ESRRG: variants seen among roughly 807,000 people sequenced by gnomAD.
ESRRG encodes the protein estrogen related receptor gamma.
In ESRRG, 13 loss-of-function variants were observed where a neutral mutation model predicts 44.0. That is an observed-to-expected ratio of 0.30 (90% CI 0.19 to 0.47). The LOEUF (loss-of-function observed/expected upper bound fraction) is 0.47, where lower values mean the gene tolerates loss of function less well. ESRRG is among the 20% of genes least tolerant of loss of function. The pLI is 1.00. For missense variants in ESRRG, 395 were observed against 580.6 expected, an observed-to-expected ratio of 0.68 and a Z score of 3.29; for synonymous variants, 215 against 214.6, an observed-to-expected ratio of 1.00 and a Z score of -0.02.
chr1:217,042,095 C>T (rs940064676), intron 1 of ESRRG, among the ~76,000 whole-genome samples: 2 of 152,136 alleles, frequency 1.3e-5, no homozygotes, highest in African/African-American at 2.4e-5. Flanking sequence ...GGTGGGCTTG[C>T]TCTAACCATA....
intron 3 of ESRRG, among the ~76,000 whole-genome samples, chr1:216,578,478 A>G (rs1285721590): frequency 6.6e-6 from 1 of 152,118 alleles, no homozygotes; most frequent in Non-Finnish European, 1.5e-5. Flanking sequence ...TCCAATAGAG[A>G]GAAATAAAGT....
chr1:216,677,381 T>C lies in ESRRG; in HGVS notation c.167A>G (p.His56Arg). The change falls in exon 2 of 7, where the codon CAC (histidine) becomes CGC (arginine). Residue 56 changes from histidine to arginine, a missense_variant. Coordinates refer to ENST00000408911, the MANE Select transcript of ESRRG (RefSeq NM_001438.4). Reference protein sequence around the residue: ...PASLTDSVNHHSPGGSSDASG... With the variant: ...PASLTDSVNHRSPGGSSDASG... Reference sequence around the variant, plus strand: ...GGCGTCTGAAGAGCCACCAGGGCTGTGGTGGTTGACGCTGTCCGTCAGGGA... The same window carrying C: ...GGCGTCTGAAGAGCCACCAGGGCTGCGGTGGTTGACGCTGTCCGTCAGGGA... 6.2e-7 allele frequency: 1 copy of C among 1,614,116 alleles called. No homozygotes were observed. Among genetic ancestry groups the C allele is most frequent in the African/African-American group, 1.3e-5 (1 of 75,020 alleles).
chr1:216,515,449 A>C (rs1397818576), intron 6 of ESRRG, among the ~76,000 whole-genome samples: 2 of 152,180 alleles, frequency 1.3e-5, no homozygotes, highest in Non-Finnish European at 2.9e-5. Context: ...TATGGTGCCC[A>C]TTCCAGTATC....
At chr1:217,037,981 T>C (rs918201725) in intron 1 of ESRRG, among the ~76,000 whole-genome samples, 1 of 151,968 alleles carries the variant, frequency 6.6e-6, no homozygotes, top group Non-Finnish European at 1.5e-5. Context: ...AAAAGGGGGG[T>C]TCTCATAGTC....
intron 2 of ESRRG, among the ~76,000 whole-genome samples, chr1:216,939,361 A>AC (rs2064788975): frequency 1.3e-4 from 19 of 148,662 alleles, no homozygotes; most frequent in African/African-American, 4.8e-4. Context: ...AAAAAAAAAA[A>AC]AAAAAAAAAC....
chr1:216,871,195 T>A (rs934308652), intron 2 of ESRRG, among the ~76,000 whole-genome samples: 1 of 152,048 alleles, frequency 6.6e-6, no homozygotes, highest in Non-Finnish European at 1.5e-5. Flanking sequence ...TTCATTTTCA[T>A]TCAGTTAAAA....
At chr1:216,578,671 C>A (rs887301780) in intron 3 of ESRRG, among the ~76,000 whole-genome samples, 1 of 152,114 alleles carries the variant, frequency 6.6e-6, no homozygotes, top group Non-Finnish European at 1.5e-5. Context: ...GAACCCCATT[C>A]ATCTACCAAT....
chr1:216,730,194 A>T (rs2088448993), intron 2 of ESRRG, among the ~76,000 whole-genome samples: 1 of 151,852 alleles, frequency 6.6e-6, no homozygotes, highest in Non-Finnish European at 1.5e-5. Context: ...CAGAGATCTG[A>T]CCTCTCTGAG....
intron 1 of ESRRG, among the ~76,000 whole-genome samples, chr1:217,001,474 C>T (rs75938086): frequency 0.014 from 2,178 of 152,302 alleles, 42 homozygotes; most frequent in African/African-American, 0.05. Context: ...AACACATATT[C>T]TGTCTCATGT....
At chr1:216,828,239 A>G (rs1264600319) in intron 2 of ESRRG, among the ~76,000 whole-genome samples, 1 of 152,156 alleles carries the variant, frequency 6.6e-6, no homozygotes, top group African/African-American at 2.4e-5. Context: ...TAATTTATTG[A>G]GCAAAATTTG....
At chr1:216,574,035 G>A (rs904053736) in intron 3 of ESRRG, among the ~76,000 whole-genome samples, 1 of 151,820 alleles carries the variant, frequency 6.6e-6, no homozygotes, top group Non-Finnish European at 1.5e-5. Context: ...TTTCTGTTTG[G>A]ACTCCACTTG....
At chr1:216,753,614 C>T (rs2092244080) in intron 2 of ESRRG, among the ~76,000 whole-genome samples, 1 of 152,052 alleles carries the variant, frequency 6.6e-6, no homozygotes, top group Non-Finnish European at 1.5e-5. Flanking sequence ...GGGCTTTCCA[C>T]ATATTTTATA....
intron 2 of ESRRG, among the ~76,000 whole-genome samples, chr1:216,729,246 C>T (rs1483174549): frequency 6.6e-6 from 1 of 152,180 alleles, no homozygotes; most frequent in South Asian, 2.1e-4. Flanking sequence ...TGGCTTGTGC[C>T]AGTTGTCCTA....
intron 1 of ESRRG, among the ~76,000 whole-genome samples, chr1:217,108,841 C>A (rs2092629524): frequency 6.6e-6 from 1 of 152,128 alleles, no homozygotes; most frequent in African/African-American, 2.4e-5. Flanking sequence ...CAGTATCAGG[C>A]ATTTCTTTAC....
chr1:216,851,886 G>T (rs2095848255), intron 2 of ESRRG, among the ~76,000 whole-genome samples: 1 of 151,972 alleles, frequency 6.6e-6, no homozygotes, highest in Non-Finnish European at 1.5e-5. Context: ...CACCCAAGTG[G>T]GGCCACACTG....
At chr1:217,039,775 G>C (rs963007847) in intron 1 of ESRRG, among the ~76,000 whole-genome samples, 5 of 152,162 alleles carry the variant, frequency 3.3e-5, no homozygotes, top group East Asian at 3.8e-4. Flanking sequence ...ACAACCTTTT[G>C]ATATGTTTTC....
At chr1:217,007,714 C>T (rs2077952494) in intron 1 of ESRRG, among the ~76,000 whole-genome samples, 1 of 152,172 alleles carries the variant, frequency 6.6e-6, no homozygotes, top group Admixed American at 6.5e-5. Context: ...CGACTGACTT[C>T]CTTCCTCCTT....
At chr1:216,730,780 G>C in intron 2 of ESRRG, among the ~76,000 whole-genome samples, 1 of 152,088 alleles carries the variant, frequency 6.6e-6, no homozygotes. Context: ...ATAGGTAAAT[G>C]GTGAGGCGGA....
At chr1:216,733,856 G>A (rs1244628134) in intron 2 of ESRRG, among the ~76,000 whole-genome samples, 1 of 151,978 alleles carries the variant, frequency 6.6e-6, no homozygotes, top group Admixed American at 6.5e-5. Context: ...CAGGTGTGGT[G>A]GTGGGTGCCT....
Sources: allele counts gnomAD v4.1 joint callset (sites outside exome capture counted in the v4.1 genomes callset), GRCh38; gene constraint gnomAD v4.1.1; transcripts MANE v1.5; gene names NCBI Gene and HGNC (gene_info 2026-07-23, HGNC 2026-07-21).